The following PDE1C variants were observed in gnomAD, a reference collection of about 807,000 sequenced individuals.
PDE1C encodes phosphodiesterase 1C.
In PDE1C, 62 loss-of-function variants were observed where a neutral mutation model predicts 93.1. The ratio of observed to expected loss-of-function variants is 0.67; its 90% CI spans 0.54 to 0.82. The LOEUF is 0.82. Ranked by LOEUF, PDE1C falls within the 40% of genes least tolerant of loss-of-function variation. PDE1C has a pLI of 0.00. For missense variants in PDE1C, 742 were observed against 884.6 expected, an observed-to-expected ratio of 0.84 and a Z score of 2.04; for synonymous variants, 325 against 310.1, an observed-to-expected ratio of 1.05 and a Z score of -0.50.
intron 2 of PDE1C, among the ~76,000 whole-genome samples, chr7:31,913,058 A>G (rs1245874886): frequency 1.3e-5 from 2 of 152,178 alleles, no homozygotes; most frequent in Non-Finnish European, 2.9e-5. Flanking sequence ...GCTCAGAAAC[A>G]GATGTCTTCC....
intron 2 of PDE1C, among the ~76,000 whole-genome samples, chr7:31,976,538 T>C (rs1000734795): frequency 1.3e-5 from 2 of 152,156 alleles, no homozygotes; most frequent in African/African-American, 4.8e-5. Flanking sequence ...ATGAGTTAAG[T>C]CATCATTAAC....
At chr7:31,695,557 G>C in the PDE1C span, 2 of 1,613,908 alleles carry the variant, frequency 1.2e-6, no homozygotes, top group Non-Finnish European at 1.7e-6. Context: ...TGAATGTTGA[G>C]TCAGACCAAA....
intron 17 of PDE1C, among the ~76,000 whole-genome samples, chr7:31,763,024 A>G (rs1244481364): frequency 6.6e-6 from 1 of 152,094 alleles, no homozygotes; most frequent in Non-Finnish European, 1.5e-5. Context: ...CCCAAGCCTT[A>G]CCCCCAGGAG....
chr7:32,147,668 C>T (rs540326175), intron 3 of PDE1C, among the ~76,000 whole-genome samples: 3 of 152,112 alleles, frequency 2.0e-5, no homozygotes, highest in African/African-American at 7.2e-5. Flanking sequence ...GCTGGACTCT[C>T]CTTCCATTTT....
chr7:31,765,691 A>T (rs991832111), intron 17 of PDE1C, among the ~76,000 whole-genome samples: 12 of 152,148 alleles, frequency 7.9e-5, no homozygotes, highest in Non-Finnish European at 1.8e-4. Context: ...CCTTCAATCA[A>T]CTCAGGTAAA....
chr7:31,730,842 T>C, the PDE1C span, among the ~76,000 whole-genome samples: 1 of 151,440 alleles, frequency 6.6e-6, no homozygotes, highest in African/African-American at 2.4e-5. Flanking sequence ...AATGTAAAGA[T>C]AAGATGACAA....
intron 2 of PDE1C, among the ~76,000 whole-genome samples, chr7:31,919,361 G>C (rs973662067): frequency 6.6e-6 from 1 of 152,132 alleles, no homozygotes; most frequent in Non-Finnish European, 1.5e-5. Flanking sequence ...CTCAGTTACT[G>C]TATCTGAAAA....
the PDE1C span, among the ~76,000 whole-genome samples, chr7:31,710,103 T>C: frequency 6.6e-6 from 1 of 152,312 alleles, no homozygotes; most frequent in East Asian, 1.9e-4. Context: ...GAGCTGTGAT[T>C]GTGCCACTGA....
intron 2 of PDE1C, among the ~76,000 whole-genome samples, chr7:32,023,716 TATAGAG>T (rs954629208): frequency 4.6e-5 from 7 of 151,998 alleles, no homozygotes; most frequent in African/African-American, 1.4e-4. Context: ...ATTACAAAAT[TATAGAG>T]ATAAAGAACA....
intron 1 of PDE1C, among the ~76,000 whole-genome samples, chr7:32,292,116 A>G (rs1812369967): frequency 6.6e-6 from 1 of 152,184 alleles, no homozygotes; most frequent in African/African-American, 2.4e-5. Flanking sequence ...TAGAAGCTAC[A>G]GTTTCATTAT....
chr7:32,009,609 C>G (rs764381842), intron 2 of PDE1C, among the ~76,000 whole-genome samples: 1 of 152,168 alleles, frequency 6.6e-6, no homozygotes, highest in Non-Finnish European at 1.5e-5. Flanking sequence ...GAATGCTTTC[C>G]TTATAAGATC....
intron 1 of PDE1C, among the ~76,000 whole-genome samples, chr7:32,357,946 T>A (rs889945863): frequency 1.3e-5 from 2 of 152,184 alleles, no homozygotes; most frequent in African/African-American, 4.8e-5. Context: ...GTGTCTTACA[T>A]CTAATTTGCA....
At chr7:31,667,190 C>T in the PDE1C span, among the ~76,000 whole-genome samples, 19 of 152,200 alleles carry the variant, frequency 1.2e-4, no homozygotes, top group Admixed American at 1.1e-3. Context: ...CTGACCTACC[C>T]GCCTATAGCT....
intron 7 of PDE1C, among the ~76,000 whole-genome samples, chr7:31,859,122 T>C (rs1794369509): frequency 6.7e-6 from 1 of 149,264 alleles, no homozygotes; most frequent in Non-Finnish European, 1.5e-5. Context: ...GTATTGACTA[T>C]ATATATATAC....
chr7:32,264,134 C>G (rs1810411308), intron 1 of PDE1C, among the ~76,000 whole-genome samples: 1 of 152,148 alleles, frequency 6.6e-6, no homozygotes. Context: ...AGAAGCTCTA[C>G]AGGTCACTAG....
intron 2 of PDE1C, among the ~76,000 whole-genome samples, chr7:31,999,291 G>A (rs145339880): frequency 4.6e-5 from 7 of 152,278 alleles, no homozygotes; most frequent in African/African-American, 1.7e-4. Context: ...TCAAAATGCA[G>A]ATACATTAAT....
intron 3 of PDE1C, among the ~76,000 whole-genome samples, chr7:32,088,019 AT>A (rs1797221080): frequency 7.0e-6 from 1 of 142,660 alleles, no homozygotes; most frequent in African/African-American, 2.5e-5. Context: ...AAATAAAAAA[AT>A]AAAAAATAAA....
intron 1 of PDE1C, among the ~76,000 whole-genome samples, chr7:32,254,688 T>C (rs143793860): frequency 6.1e-4 from 93 of 152,288 alleles, no homozygotes; most frequent in Non-Finnish European, 1.1e-3. Context: ...GTGTGTCATG[T>C]ATGTGTATAT....
At chr7:31,921,904 A>G (rs1307822116) in intron 2 of PDE1C, among the ~76,000 whole-genome samples, 2 of 152,210 alleles carry the variant, frequency 1.3e-5, no homozygotes, top group African/African-American at 2.4e-5. Flanking sequence ...TAAGTATTTT[A>G]TACACTTAGC....
Sources: allele counts gnomAD v4.1 joint callset (sites outside exome capture counted in the v4.1 genomes callset), GRCh38; gene constraint gnomAD v4.1.1; transcripts MANE v1.5; gene names NCBI Gene and HGNC (gene_info 2026-07-23, HGNC 2026-07-21).